SMIM14: variants seen among roughly 807,000 people sequenced by gnomAD.
SMIM14 encodes chromosome 4 open reading frame 34.
SMIM14 carries 5 observed loss-of-function variants against 12.6 expected under a neutral mutation model. The observed-to-expected ratio is 0.40, with a 90% confidence interval of 0.21 to 0.83. The LOEUF (loss-of-function observed/expected upper bound fraction) is 0.83, where lower values mean the gene tolerates loss of function less well. SMIM14 is among the 40% of genes least tolerant of loss of function. The pLI is 0.37. For synonymous variants in SMIM14, 30 were observed against 40.1 expected (o/e 0.75, Z 0.95); for missense variants, 86 against 119.1 (o/e 0.72, Z 1.29).
chr4:39,590,113 A>T (rs971232347), intron 2 of SMIM14, among the ~76,000 whole-genome samples: 1 of 151,716 alleles, frequency 6.6e-6, no homozygotes, highest in Admixed American at 6.6e-5. Flanking sequence ...AATACTAGAC[A>T]ACTTAAAACA....
intron 1 of SMIM14, 169 bp downstream of exon 1, chr4:39,638,570 T>A: frequency 4.1e-6 from 4 of 981,506 alleles, no homozygotes; most frequent in Non-Finnish European, 4.8e-6. Context: ...CAGCGGAGCT[T>A]CTCCCGGTGC....
intron 2 of SMIM14, among the ~76,000 whole-genome samples, chr4:39,598,874 G>A (rs1714484155): frequency 6.7e-6 from 1 of 148,908 alleles, no homozygotes; most frequent in Non-Finnish European, 1.5e-5. Flanking sequence ...CTGCAACTAA[G>A]CCAGCTCCCT....
At chr4:39,564,501 G>GA (rs1712474659) in intron 3 of SMIM14, among the ~76,000 whole-genome samples, 1 of 152,098 alleles carries the variant, frequency 6.6e-6, no homozygotes, top group South Asian at 2.1e-4. Context: ...AAATGAATCT[G>GA]AAAAAATCTG....
chr4:39,580,093 T>C (rs1713421609), intron 2 of SMIM14, among the ~76,000 whole-genome samples: 1 of 151,756 alleles, frequency 6.6e-6, no homozygotes, highest in Non-Finnish European at 1.5e-5. Flanking sequence ...GTTGGAGATG[T>C]TCTTCTTTCT....
At chr4:39,615,121 G>A (rs1715173357) in intron 1 of SMIM14, among the ~76,000 whole-genome samples, 1 of 152,062 alleles carries the variant, frequency 6.6e-6, no homozygotes, top group Non-Finnish European at 1.5e-5. Flanking sequence ...TATTTATAGA[G>A]ACAGGGTCTT....
In SMIM14 at chr4:39,556,512, C is replaced by T. The variant is rs149206831; in HGVS notation, c.183G>A (p.Met61Ile). The change falls in exon 4 of 5, where the codon ATG becomes ATA. Residue 61 changes from methionine to isoleucine, a missense_variant. By Grantham distance (10) the Met-to-Ile change is conservative. Transcript: ENST00000295958. ...GTAAGAACAAGATCAATGCAATAAC[C>T]ATCCAGGCTACCAAGATCATTGTAA... ...ISVTMILVAW[M>I]VIALILFLLR... 1 of 1,613,862 alleles carries T rather than the reference C, an allele frequency of 6.2e-7. No homozygotes were observed. Among genetic ancestry groups the T allele is most frequent in the Non-Finnish European group, 8.5e-7 (1 of 1,179,946 alleles).
At chr4:39,583,833 C>G (rs1326481045) in intron 2 of SMIM14, 1 of 152,128 alleles carries the variant, frequency 6.6e-6, no homozygotes, top group Non-Finnish European at 1.5e-5. Context: ...TCAAACTTAT[C>G]TTTCAATGCT....
intron 3 of SMIM14, among the ~76,000 whole-genome samples, chr4:39,564,171 TTATA>T (rs1712460318): frequency 6.6e-6 from 1 of 152,216 alleles, no homozygotes; most frequent in Admixed American, 6.6e-5. Context: ...TTGTATAAAC[TTATA>T]TAGGTTTCCG....
At position 39,547,292 on chromosome 4, in the gene SMIM14, C is replaced by G. The variant is rs1297216070; in HGVS notation, c.*4834G>C. 6.6e-6 allele frequency: 1 copy of G among 152,156 alleles called. No individual in the cohort carries two copies. Among genetic ancestry groups the G allele is most frequent in the Non-Finnish European group, 1.5e-5 (1 of 68,006 alleles). 9.4% of individuals were successfully genotyped at this position (152,156 alleles called of 1,614,324 possible). On this transcript the variant is annotated 3_prime_UTR_variant, in exon 5 of 5. Transcript: ENST00000295958. ...TCCCACAAAAGCCAAACAGAAAACA[C>G]AAAGTGTTACTAACGTTTTCTATTT...
At chr4:39,623,427 G>A (rs1363725533) in intron 1 of SMIM14, among the ~76,000 whole-genome samples, 1 of 152,120 alleles carries the variant, frequency 6.6e-6, no homozygotes, top group Non-Finnish European at 1.5e-5. Flanking sequence ...AGAAGGCAGG[G>A]ATAACATTGG....
At chr4:39,606,771 T>C (rs1460723743) in intron 1 of SMIM14, among the ~76,000 whole-genome samples, 2 of 151,916 alleles carry the variant, frequency 1.3e-5, no homozygotes, top group African/African-American at 4.8e-5. Context: ...TAGTTCCAAG[T>C]ATGTGGTGGG....
At chr4:39,568,147 T>C (rs768138757) in intron 3 of SMIM14, among the ~76,000 whole-genome samples, 5 of 151,782 alleles carry the variant, frequency 3.3e-5, no homozygotes, top group Non-Finnish European at 7.4e-5. Context: ...GGTGTGGTAG[T>C]GCATTCCTGT....
chr4:39,613,183 T>C (rs911313323), intron 1 of SMIM14, among the ~76,000 whole-genome samples: 1 of 152,192 alleles, frequency 6.6e-6, no homozygotes, highest in Non-Finnish European at 1.5e-5. Context: ...ACCACCTATA[T>C]TGCTTAGCCA....
At chr4:39,565,900 G>A (rs1423606365) in intron 3 of SMIM14, among the ~76,000 whole-genome samples, 2 of 151,804 alleles carry the variant, frequency 1.3e-5, no homozygotes, top group Admixed American at 1.3e-4. Flanking sequence ...TTAAAAAGGG[G>A]AGTTTCCCTG....
At chr4:39,628,006 A>G (rs1439801425) in intron 1 of SMIM14, among the ~76,000 whole-genome samples, 2 of 152,146 alleles carry the variant, frequency 1.3e-5, no homozygotes, top group Non-Finnish European at 2.9e-5. Flanking sequence ...TGGAGAGAAA[A>G]TTTTTTAATC....
intron 2 of SMIM14, among the ~76,000 whole-genome samples, chr4:39,599,044 A>G (rs1444953109): frequency 6.6e-6 from 1 of 152,174 alleles, no homozygotes; most frequent in African/African-American, 2.4e-5. Context: ...CTCATCCTCT[A>G]GGAACTTCCT....
chr4:39,592,267 CTTTTT>C (rs34640338), intron 2 of SMIM14, among the ~76,000 whole-genome samples: 15 of 131,626 alleles, frequency 1.1e-4, no homozygotes, highest in African/African-American at 4.2e-4. Context: ...TCATTTGCCT[CTTTTT>C]TTTTTTTTTT....
intron 1 of SMIM14, among the ~76,000 whole-genome samples, chr4:39,615,555 C>T (rs778083056): frequency 3.9e-5 from 6 of 151,960 alleles, no homozygotes; most frequent in Non-Finnish European, 7.4e-5. Context: ...ATGTTAGGTT[C>T]GTTGACTATA....
At position 39,583,275 on chromosome 4, in the gene SMIM14, AT is replaced by A. The variant is rs774264379; in HGVS notation, c.76-10813del. 2.0e-5 allele frequency among the ~76,000 whole-genome samples: 3 copies of A among 151,630 alleles called. No homozygotes were observed. The East Asian group carries it at 5.8e-4, about 29-fold the overall frequency. ...GGCTAATTTTTTATTTTATTTTATT[AT>A]TTTTAGAGACAAGGTCTCACTGTGT... On this transcript the variant is annotated intron_variant, in intron 2 of 4. Coordinates refer to ENST00000295958, the MANE Select transcript of SMIM14 (RefSeq NM_174921.3).
Sources: gnomAD v4.1 joint callset for allele counts (sites outside exome capture counted in the v4.1 genomes callset) on GRCh38, gnomAD v4.1.1 for gene constraint, MANE v1.5 for transcripts, NCBI Gene and HGNC (gene_info 2026-07-23, HGNC 2026-07-21) for gene names.